LIN28B: variants seen among roughly 807,000 people sequenced by gnomAD.
The protein encoded by LIN28B is lin-28 RNA binding posttranscriptional regulator B, also known as protein lin-28 homolog B.
Under a neutral mutation model 21.9 loss-of-function variants are expected in LIN28B, and 5 were observed. The ratio of observed to expected loss-of-function variants is 0.23; its 90% CI spans 0.12 to 0.48. The LOEUF is 0.48. LIN28B is among the 20% of genes least tolerant of loss of function. LIN28B has a pLI of 0.98. For missense variants in LIN28B, 245 were observed against 310.5 expected, an observed-to-expected ratio of 0.79 and a Z score of 1.58; for synonymous variants, 109 against 111.3, an observed-to-expected ratio of 0.98 and a Z score of 0.13.
At chr6:105,033,407 A>G (rs1771464127) in intron 3 of LIN28B, among the ~76,000 whole-genome samples, 1 of 152,052 alleles carries the variant, frequency 6.6e-6, no homozygotes. Context: ...GGCAAAAAAA[A>G]TGTAAAATAA....
intron 3 of LIN28B, among the ~76,000 whole-genome samples, chr6:105,064,678 G>T (rs1772186806): frequency 6.6e-6 from 1 of 151,956 alleles, no homozygotes; most frequent in South Asian, 2.1e-4. Context: ...TATATTTTTT[G>T]AATAAAAGGC....
At chr6:104,996,305 G>A (rs1225114580) in intron 2 of LIN28B, among the ~76,000 whole-genome samples, 1 of 152,190 alleles carries the variant, frequency 6.6e-6, no homozygotes, top group Non-Finnish European at 1.5e-5. Context: ...AGCCAGAAGA[G>A]GGGAGTGTTT....
At chr6:105,077,681 A>C (rs1414977146) in intron 3 of LIN28B, among the ~76,000 whole-genome samples, 1 of 152,180 alleles carries the variant, frequency 6.6e-6, no homozygotes, top group African/African-American at 2.4e-5. Flanking sequence ...TCATCATTGA[A>C]CTAGCATGAA....
At position 105,080,984 on chromosome 6, in the gene LIN28B, T is replaced by C. The variant is rs1055955186; in HGVS notation, c.*2201T>C. On this transcript the variant is annotated 3_prime_UTR_variant, in exon 4 of 4. Transcript: ENST00000345080. ...AAACACTTGAGAACTATGGTCTTTA[T>C]GGGTGCAATTTGAAATCCTTTTCAT... 3.0e-4 allele frequency: 46 copies of C among 152,610 alleles called. No individual in the cohort carries two copies. Among genetic ancestry groups the C allele is most frequent in the Admixed American group, 2.6e-3 (39 of 15,272 alleles). The allele number at this position is 152,610 out of a possible 1,614,324, so 9.5% of individuals were successfully genotyped here.
intron 3 of LIN28B, among the ~76,000 whole-genome samples, chr6:105,042,284 T>A (rs1315092163): frequency 6.6e-6 from 1 of 152,218 alleles, no homozygotes; most frequent in Non-Finnish European, 1.5e-5. Flanking sequence ...GTAGCCAGTC[T>A]GTAAACTGTT....
At chr6:105,069,439 A>C (rs982279886) in intron 3 of LIN28B, among the ~76,000 whole-genome samples, 2 of 151,682 alleles carry the variant, frequency 1.3e-5, no homozygotes, top group Non-Finnish European at 2.9e-5. Flanking sequence ...AGGAGCTGTA[A>C]ATTTGCTGGG....
At chr6:105,001,711 T>G (rs1770724513) in intron 2 of LIN28B, among the ~76,000 whole-genome samples, 1 of 152,140 alleles carries the variant, frequency 6.6e-6, no homozygotes, top group South Asian at 2.1e-4. Context: ...AATGTGCTAA[T>G]GAAAATATCA....
chr6:105,048,686 A>G (rs927168226), intron 3 of LIN28B, among the ~76,000 whole-genome samples: 2 of 152,188 alleles, frequency 1.3e-5, no homozygotes, highest in Non-Finnish European at 2.9e-5. Context: ...TATTGCCTCA[A>G]TCTCAGATCC....
intron 2 of LIN28B, among the ~76,000 whole-genome samples, chr6:104,938,406 A>G (rs1384944748): frequency 6.6e-6 from 1 of 152,118 alleles, no homozygotes; most frequent in Non-Finnish European, 1.5e-5. Context: ...TTGAAGGGCC[A>G]GGTGGGCAGA....
chr6:105,008,154 A>G (rs1272549703), intron 2 of LIN28B, among the ~76,000 whole-genome samples: 1 of 152,106 alleles, frequency 6.6e-6, no homozygotes, highest in Non-Finnish European at 1.5e-5. Flanking sequence ...CTCATATTCA[A>G]TATAGTAGGT....
At chr6:104,938,235 C>T (rs570792206) in intron 2 of LIN28B, among the ~76,000 whole-genome samples, 49 of 151,948 alleles carry the variant, frequency 3.2e-4, no homozygotes, top group South Asian at 1.0e-3. Flanking sequence ...CAGAGTGAGA[C>T]CGAGTCTCTA....
Position 105,078,835 on chromosome 6 carries a change from T to G in LIN28B, c.*52T>G, listed in dbSNP as rs1358248996. 7.7e-6 allele frequency: 12 copies of G among 1,563,764 alleles called. No individual in the cohort carries two copies. Among genetic ancestry groups the G allele is most frequent in the Non-Finnish European group, 1.0e-5 (12 of 1,153,096 alleles). On this transcript the variant is annotated 3_prime_UTR_variant, in exon 4 of 4. Coordinates refer to ENST00000345080, the MANE Select transcript of LIN28B (RefSeq NM_001004317.4). ...TTACCCGGTTGCAAAGTCTACCTCA[T>G]GCAAGTATAGGGGAACAGTATTTCA...
At chr6:105,029,188 G>GT (rs1005113327) in intron 3 of LIN28B, among the ~76,000 whole-genome samples, 1 of 152,200 alleles carries the variant, frequency 6.6e-6, no homozygotes, top group Non-Finnish European at 1.5e-5. Flanking sequence ...GAGACAGCAA[G>GT]TTTAGACAAT....
At chr6:104,988,031 A>T (rs1770383779) in intron 2 of LIN28B, among the ~76,000 whole-genome samples, 1 of 152,188 alleles carries the variant, frequency 6.6e-6, no homozygotes, top group Non-Finnish European at 1.5e-5. Context: ...GGCATGAGCC[A>T]CTGTTCCCGG....
At chr6:104,976,656 C>T in intron 2 of LIN28B, among the ~76,000 whole-genome samples, 1 of 152,106 alleles carries the variant, frequency 6.6e-6, no homozygotes, top group East Asian at 1.9e-4. Flanking sequence ...AGGAAGAGTC[C>T]ATTTGAGATG....
At chr6:104,955,631 C>A (rs1778275428), upstream of LIN28B, among the ~76,000 whole-genome samples, 1 of 150,876 alleles carries the variant, frequency 6.6e-6, no homozygotes, top group South Asian at 2.1e-4. Flanking sequence ...TTGTGTGAAA[C>A]AGTGCTGGAG....
chr6:105,032,101 GTA>G (rs950458337), intron 3 of LIN28B, among the ~76,000 whole-genome samples: 5 of 152,146 alleles, frequency 3.3e-5, no homozygotes, highest in African/African-American at 1.2e-4. Flanking sequence ...GCTGTTGAGT[GTA>G]TCAGTAGTTC....
At chr6:104,997,090 G>C (rs1231986850) in intron 2 of LIN28B, among the ~76,000 whole-genome samples, 1 of 151,960 alleles carries the variant, frequency 6.6e-6, no homozygotes, top group East Asian at 1.9e-4. Flanking sequence ...GACCATCCTG[G>C]CTAACACGGT....
chr6:105,042,685 C>A (rs1771661223), intron 3 of LIN28B, among the ~76,000 whole-genome samples: 1 of 151,360 alleles, frequency 6.6e-6, no homozygotes, highest in Admixed American at 6.6e-5. Context: ...GTTTTTAGTT[C>A]CAGAGAGCTT....
Sources: gnomAD v4.1 joint callset for allele counts (sites outside exome capture counted in the v4.1 genomes callset) on GRCh38, gnomAD v4.1.1 for gene constraint, MANE v1.5 for transcripts, NCBI Gene and HGNC (gene_info 2026-07-23, HGNC 2026-07-21) for gene names.